Variants in AGO3 observed in about 807,000 individuals in gnomAD.
The protein encoded by AGO3 is protein argonaute-3.
AGO3 carries 16 observed loss-of-function variants against 105.5 expected under a neutral mutation model. That is an observed-to-expected ratio of 0.15 (90% confidence interval 0.10 to 0.23). AGO3 has a LOEUF of 0.23. Ranked by LOEUF, AGO3 falls within the 10% of genes least tolerant of loss-of-function variation. The probability of loss-of-function intolerance (pLI) is 1.00; values close to 1 mark genes in which losing one functional copy is unlikely to be tolerated. For missense variants in AGO3, 534 were observed against 1,088.0 expected, an observed-to-expected ratio of 0.49 and a Z score of 7.16; for synonymous variants, 340 against 367.3, an observed-to-expected ratio of 0.93 and a Z score of 0.85.
chr1:35,955,616 C>G (rs1319261200), intron 2 of AGO3, among the ~76,000 whole-genome samples: 1 of 146,162 alleles, frequency 6.8e-6, no homozygotes, highest in Non-Finnish European at 1.5e-5. Flanking sequence ...TTAATTGAGA[C>G]AGGAGTCTCA....
chr1:35,977,521 C>T (rs1415424334), intron 5 of AGO3, among the ~76,000 whole-genome samples: 1 of 151,028 alleles, frequency 6.6e-6, no homozygotes, highest in Non-Finnish European at 1.5e-5. Context: ...GCCTCCTGAG[C>T]AGCTGGGACT....
In AGO3 at chr1:36,069,009, C is replaced by T. The variant is rs1003919755; in HGVS notation, c.*13264C>T. On this transcript the variant is annotated 3_prime_UTR_variant, in exon 19 of 19. Coordinates refer to ENST00000373191, the MANE Select transcript of AGO3 (RefSeq NM_024852.4). ...GTAATAGGTCTCCCACTGATTTGCT[C>T]CGTGTCCTTAGGCAATTCGTTTAAT... The T allele has an allele frequency of 6.6e-6, 1 of 152,194 alleles. No individual in the cohort carries two copies. The highest frequency in any genetic ancestry group is 2.4e-5 in the African/African-American group (1 of 41,442). 9.4% of individuals were successfully genotyped at this position (152,194 alleles called of 1,614,324 possible). A position where few individuals can be genotyped will look rare whatever the true frequency, so the allele number is the denominator to read the frequency against.
rs375848700 is a variant in AGO3, at chr1:36,027,950, C to G, written c.1591+652C>G. On this transcript the variant is annotated intron_variant, in intron 12 of 18. Coordinates refer to ENST00000373191, the MANE Select transcript of AGO3 (RefSeq NM_024852.4). This position sits in a 1 kb window ranked among gnomAD's most constrained non-coding sequence, Gnocchi z 4.0. Reference sequence around the variant, plus strand: ...GTGTTGCTCAATATTCAGGTACTGCCGGTTCTACTACCTGTGTGATTTGGC... The same window carrying G: ...GTGTTGCTCAATATTCAGGTACTGCGGGTTCTACTACCTGTGTGATTTGGC... Among the ~76,000 whole-genome samples, 3 of 152,120 alleles carry G rather than the reference C, an allele frequency of 2.0e-5. No homozygotes were observed. In the East Asian group the frequency reaches 5.8e-4, roughly 29 times the overall value.
intron 12 of AGO3, among the ~76,000 whole-genome samples, chr1:36,033,933 A>G (rs567521750): frequency 1.3e-5 from 2 of 152,236 alleles, no homozygotes; most frequent in Non-Finnish European, 2.9e-5. Flanking sequence ...TGGCAAAAAT[A>G]TACCTTTTTA....
intron 2 of AGO3, among the ~76,000 whole-genome samples, chr1:35,954,225 G>A (rs946493296): frequency 6.6e-6 from 1 of 152,076 alleles, no homozygotes; most frequent in Non-Finnish European, 1.5e-5. Flanking sequence ...TTAACAGATG[G>A]TAATTATTTC....
In AGO3 at chr1:35,995,209, A is replaced by AAAATAT. The variant is rs1237315557; in HGVS notation, c.659-9131_659-9130insAATATA. ...GAGCAAGACACTGTCTAAAAAAAAA[A>AAAATAT]ATATATATATATATATATATATATA... is the stretch of plus-strand genomic sequence containing the variant. On this transcript the variant is annotated intron_variant, in intron 5 of 18. Transcript: ENST00000373191. Among the ~76,000 whole-genome samples, 495 of 114,712 alleles carry AAAATAT rather than the reference A, an allele frequency of 4.3e-3. 5 individuals are homozygous for AAAATAT. The highest frequency in any genetic ancestry group is 0.015 in the African/African-American group (396 of 26,656). 75.3% of individuals were successfully genotyped at this position (114,712 alleles called of 152,430 possible). A position where few individuals can be genotyped will look rare whatever the true frequency, so the allele number is the denominator to read the frequency against.
rs1361477454 is a variant in AGO3 at position 36,065,343 on chromosome 1, C to T, written c.*9598C>T. On this transcript the variant is annotated 3_prime_UTR_variant, in exon 19 of 19. Coordinates refer to ENST00000373191, the MANE Select transcript of AGO3 (RefSeq NM_024852.4). Reference sequence around the variant, plus strand: ...GTTGCCTCTGGGCTGGGCATGGTGGCTCACGCCTGTAATCCCTGCACTTTG... The same window carrying T: ...GTTGCCTCTGGGCTGGGCATGGTGGTTCACGCCTGTAATCCCTGCACTTTG... 6.6e-6 allele frequency: 1 copy of T among 152,282 alleles called. No homozygotes were observed. Among genetic ancestry groups the T allele is most frequent in the African/African-American group, 2.4e-5 (1 of 41,526 alleles). 9.4% of individuals were successfully genotyped at this position (152,282 alleles called of 1,614,324 possible). A position where few individuals can be genotyped will look rare whatever the true frequency, so the allele number is the denominator to read the frequency against.
chr1:35,987,842 G>C (rs1647264036), intron 5 of AGO3, among the ~76,000 whole-genome samples: 1 of 151,724 alleles, frequency 6.6e-6, no homozygotes, highest in Non-Finnish European at 1.5e-5. Flanking sequence ...GGCCTAGGTG[G>C]GCAGATCACG....
chr1:35,976,548 G>A (rs187883412), intron 5 of AGO3, among the ~76,000 whole-genome samples: 213 of 152,102 alleles, frequency 1.4e-3, no homozygotes, highest in African/African-American at 4.2e-3. Context: ...ATTAATGTGC[G>A]TCCTTTTTCT....
intron 6 of AGO3, among the ~76,000 whole-genome samples, chr1:36,005,507 T>A (rs1478262075): frequency 6.6e-6 from 1 of 152,232 alleles, no homozygotes; most frequent in Non-Finnish European, 1.5e-5. Context: ...GTAACTGTTT[T>A]GCAACCATAC....
intron 5 of AGO3, among the ~76,000 whole-genome samples, chr1:35,996,312 A>G (rs914161280): frequency 2.0e-5 from 3 of 151,034 alleles, no homozygotes; most frequent in Non-Finnish European, 2.9e-5. Context: ...ACAGAGCAAG[A>G]CTCTGACTCT....
intron 12 of AGO3, among the ~76,000 whole-genome samples, chr1:36,030,178 AT>A (rs1641706336): frequency 6.6e-6 from 1 of 152,180 alleles, no homozygotes; most frequent in African/African-American, 2.4e-5. Flanking sequence ...GCAAGTAAAT[AT>A]ATGATAAGTT....
rs916827717 is a variant in AGO3, at chr1:36,068,600, A to T, written c.*12855A>T. 2 of 152,214 alleles carry T rather than the reference A, an allele frequency of 1.3e-5. No individual in the cohort carries two copies. Among genetic ancestry groups the T allele is most frequent in the African/African-American group, 2.4e-5 (1 of 41,462 alleles). The allele number at this position is 152,214 out of a possible 1,614,324, so 9.4% of individuals were successfully genotyped here. ...TTCTTAAAGAAAATTAATATAGCTT[A>T]TGGTTTTGATAAATTGGACTCTGAT... On this transcript the variant is annotated 3_prime_UTR_variant, in exon 19 of 19. Transcript: ENST00000373191.
intron 2 of AGO3, 43 bp downstream of exon 2, chr1:35,945,906 C>T: frequency 6.4e-7 from 1 of 1,560,908 alleles, no homozygotes; most frequent in Non-Finnish European, 8.8e-7. Context: ...TATTTTTTTC[C>T]TTAGTAATTA....
chr1:35,951,318 A>G (rs988450599), intron 2 of AGO3, among the ~76,000 whole-genome samples: 1 of 152,222 alleles, frequency 6.6e-6, no homozygotes, highest in Non-Finnish European at 1.5e-5. Flanking sequence ...TGTTACTGTT[A>G]ATATTCTATG....
At chr1:35,949,524 T>C (rs1382193576) in intron 2 of AGO3, among the ~76,000 whole-genome samples, 3 of 152,202 alleles carry the variant, frequency 2.0e-5, no homozygotes, top group Non-Finnish European at 4.4e-5. Flanking sequence ...ACTTAACAAT[T>C]CCTTTTCAAT....
rs1178455575 is a variant in AGO3 at position 36,065,679 on chromosome 1, A to G, written c.*9934A>G. 1 of 152,268 alleles carries G rather than the reference A, an allele frequency of 6.6e-6. No individual in the cohort carries two copies. The highest frequency in any genetic ancestry group is 2.4e-5 in the African/African-American group (1 of 41,430). The allele number at this position is 152,268 out of a possible 1,614,324, so 9.4% of individuals were successfully genotyped here. Reference sequence around the variant, plus strand: ...TTTTTCCTTCTGAAAGTTCATAGAAACCTGGCATATAGAGCTTATTTTGCT... The same window carrying G: ...TTTTTCCTTCTGAAAGTTCATAGAAGCCTGGCATATAGAGCTTATTTTGCT... On this transcript the variant is annotated 3_prime_UTR_variant, in exon 19 of 19. Coordinates refer to ENST00000373191, the MANE Select transcript of AGO3 (RefSeq NM_024852.4).
At chr1:36,016,779 C>T (rs180735785) in intron 11 of AGO3, among the ~76,000 whole-genome samples, 31 of 152,194 alleles carry the variant, frequency 2.0e-4, no homozygotes, top group Admixed American at 1.4e-3. Context: ...TTCCTGTTTT[C>T]AGGAGAAAAA....
chr1:36,010,032 A>G (rs951756581), intron 9 of AGO3, among the ~76,000 whole-genome samples: 3 of 135,520 alleles, frequency 2.2e-5, no homozygotes, highest in South Asian at 2.3e-4. Flanking sequence ...TCTGCCTCCC[A>G]GGTTCACACC....
Sources: allele counts gnomAD v4.1 joint callset (sites outside exome capture counted in the v4.1 genomes callset), GRCh38; gene constraint gnomAD v4.1.1; non-coding constraint Gnocchi (gnomAD v3.1); transcripts MANE v1.5; gene names NCBI Gene and HGNC (gene_info 2026-07-23, HGNC 2026-07-21).